MIIP: variants seen among roughly 807,000 people sequenced by gnomAD.
MIIP encodes the protein migration and invasion inhibitory protein.
A neutral mutation model predicts 44.8 loss-of-function variants in MIIP; 44 were observed. The observed-to-expected ratio is 0.98, with a 90% CI of 0.77 to 1.26. The LOEUF is 1.26. Ranked by LOEUF, MIIP falls within the 50% of genes most tolerant of loss-of-function variation. The pLI, the probability that MIIP is intolerant of heterozygous loss-of-function variation, is 0.00. For synonymous variants in MIIP, 225 were observed against 218.3 expected, an observed-to-expected ratio of 1.03 and a Z score of -0.27; for missense variants, 496 against 511.7, an observed-to-expected ratio of 0.97 and a Z score of 0.30.
chr1:12,029,870 C>G lies in MIIP; in HGVS notation c.821C>G (p.Thr274Ser). The change falls in exon 7 of 10, where the codon ACC becomes AGC. Residue 274 changes from threonine (T) to serine (S), a missense_variant. Transcript: ENST00000235332. The stretch of plus-strand genomic sequence containing the variant: ...CCGCGAGACCAGCAGGGCCCTGGGA[C>G]CCTGGCGCAGCCAGCGCACGTCAGG... ...RTPRDQQGPG[T>S]LAQPAHVRVS... The G allele has an allele frequency of 6.2e-7, 1 of 1,613,060 alleles. No homozygotes were observed. Among genetic ancestry groups the G allele is most frequent in the African/African-American group, 1.3e-5 (1 of 75,042 alleles).
Position 12,031,690 on chromosome 1 carries a change from G to GC in MIIP, c.1081-26dup, listed in dbSNP as rs754289375. ...GGGGATGACCTGTCCCTTTCAAGTG[G>GC]CCCCCCTGAGACTTCCCTATTCCCC... is the stretch of plus-strand genomic sequence containing the variant. On this transcript the variant is annotated intron_variant, in intron 9 of 9. Transcript: ENST00000235332. 3 of 1,613,922 alleles carry GC rather than the reference G, an allele frequency of 1.9e-6. No homozygotes were observed. In the South Asian group the frequency reaches 3.3e-5, roughly 18 times the overall value.
intron 8 of MIIP, chr1:12,031,010 C>T: frequency 2.1e-6 from 1 of 484,110 alleles, no homozygotes; most frequent in African/African-American, 2.0e-5. Flanking sequence ...GGAGAGCCTA[C>T]AGCAGGAAGT....
At chr1:12,021,409 A>AAC (rs1639972415) in intron 1 of MIIP, among the ~76,000 whole-genome samples, 1 of 152,086 alleles carries the variant, frequency 6.6e-6, no homozygotes, top group South Asian at 2.1e-4. Context: ...AAAAAAACAA[A>AAC]AAAACAAAAC....
Position 12,022,462 on chromosome 1 carries a change from C to T in MIIP, c.462+20C>T. ...TCCAAGGTAACGTGGGAGAGCGGGA[C>T]ATCTGCTGATGGGAGGAGCTTCCTT... On this transcript the variant is annotated intron_variant, in intron 3 of 9. Coordinates refer to ENST00000235332, the MANE Select transcript of MIIP (RefSeq NM_021933.4). 6.7e-7 allele frequency: 1 copy of T among 1,490,686 alleles called. No individual in the cohort carries two copies. Among genetic ancestry groups the T allele is most frequent in the Non-Finnish European group, 9.0e-7 (1 of 1,116,814 alleles). The allele number at this position is 1,490,686 out of a possible 1,614,324, so 92.3% of individuals were successfully genotyped here.
rs1312250299 is a variant in MIIP, at chr1:12,031,856, C to A, written c.*48C>A. The A allele has an allele frequency of 1.6e-5, 25 of 1,566,852 alleles. No individual in the cohort carries two copies. Among genetic ancestry groups the A allele is most frequent in the Non-Finnish European group, 2.0e-5 (23 of 1,140,992 alleles). On this transcript the variant is annotated 3_prime_UTR_variant, in exon 10 of 10. Transcript: ENST00000235332. ...AGCATTCCCGCCGCCTCCAGCCTCT[C>A]CCCTCTGGCAGGCGCACCCAGGAGA...
intron 3 of MIIP, 134 bp downstream of exon 3, chr1:12,022,576 C>G: frequency 1.3e-6 from 1 of 793,316 alleles, no homozygotes. Flanking sequence ...TGAGTTGGGT[C>G]TTGCTCAGCC....
chr1:12,027,154 A>G (rs1640121647), intron 4 of MIIP, among the ~76,000 whole-genome samples: 1 of 151,968 alleles, frequency 6.6e-6, no homozygotes, highest in South Asian at 2.1e-4. Flanking sequence ...GATTACAGGC[A>G]TGCACCACTA....
At chr1:12,026,628 C>A (rs1640109156) in intron 4 of MIIP, among the ~76,000 whole-genome samples, 1 of 152,224 alleles carries the variant, frequency 6.6e-6, no homozygotes, top group African/African-American at 2.4e-5. Flanking sequence ...TTAGCATGAG[C>A]ATGAACGTGC....
At chr1:12,022,791 C>A in intron 3 of MIIP, 42 bp from the exon 4 acceptor site, 1 of 1,481,648 alleles carries the variant, frequency 6.7e-7, no homozygotes, top group Middle Eastern at 1.7e-4. Context: ...CTGGGCCAGG[C>A]CTCTTGGCTT....
At chr1:12,024,902 T>C (rs1640068733) in intron 4 of MIIP, among the ~76,000 whole-genome samples, 1 of 152,192 alleles carries the variant, frequency 6.6e-6, no homozygotes, top group Non-Finnish European at 1.5e-5. Context: ...CCCTATGAAT[T>C]TGACTCCTCT....
intron 8 of MIIP, 97 bp downstream of exon 8, chr1:12,030,221 C>T: frequency 8.6e-7 from 1 of 1,156,316 alleles, no homozygotes; most frequent in Non-Finnish European, 1.3e-6. Flanking sequence ...CTGGGCTCGA[C>T]AAGGGTGAGC....
At chr1:12,029,396 G>T in intron 6 of MIIP, 115 bp downstream of exon 6, 1 of 1,179,112 alleles carries the variant, frequency 8.5e-7, no homozygotes, top group Non-Finnish European at 1.2e-6. Flanking sequence ...CCCCTGAGAT[G>T]TTGAGACTCA....
At position 12,019,542 on chromosome 1, in the gene MIIP, G is replaced by C. The variant is rs973441068; in HGVS notation, c.-93G>C. The C allele has an allele frequency of 2.0e-5, 3 of 152,868 alleles. No homozygotes were observed. Among genetic ancestry groups the C allele is most frequent in the African/African-American group, 7.2e-5 (3 of 41,480 alleles). The allele number at this position is 152,868 out of a possible 1,614,324, so 9.5% of individuals were successfully genotyped here. On this transcript the variant is annotated 5_prime_UTR_variant, in exon 1 of 10. Transcript: ENST00000235332. ...GCTGCTACGGCGGCGCATGCTAGGG[G>C]ATTCTGCCGGGTGAGTGCTGGGCGG...
At chr1:12,024,585 T>C (rs1640061264) in intron 4 of MIIP, among the ~76,000 whole-genome samples, 1 of 152,078 alleles carries the variant, frequency 6.6e-6, no homozygotes, top group African/African-American at 2.4e-5. Context: ...GGCTAATTTT[T>C]GTATTTTTAG....
chr1:12,029,677 G>C (rs1354488131), intron 6 of MIIP, 88 bp from the exon 7 acceptor site: 17 of 1,526,092 alleles, frequency 1.1e-5, no homozygotes, highest in Non-Finnish European at 1.4e-5. Context: ...GGCAGCTTGT[G>C]TGGTTGGGGG....
chr1:12,020,289 G>C (rs1050166040), intron 1 of MIIP, among the ~76,000 whole-genome samples: 21 of 152,180 alleles, frequency 1.4e-4, no homozygotes, highest in African/African-American at 5.1e-4. Flanking sequence ...AGGAAAGGAG[G>C]AAGAATCCCT....
intron 8 of MIIP, among the ~76,000 whole-genome samples, chr1:12,030,557 T>C (rs919237234): frequency 1.4e-4 from 3 of 21,750 alleles, no homozygotes; most frequent in Admixed American, 6.5e-4. Flanking sequence ...CTGCTGCTGC[T>C]TTTTTTTTTT....
intron 2 of MIIP, 78 bp from the exon 3 acceptor site, chr1:12,022,017 C>A: frequency 6.7e-7 from 1 of 1,492,016 alleles, no homozygotes; most frequent in South Asian, 1.2e-5. Context: ...GATGAGGATG[C>A]TTGCCTTGGT....
chr1:12,031,445 G>C (rs774260891), intron 9 of MIIP, 42 bp downstream of exon 9: 2 of 1,596,632 alleles, frequency 1.3e-6, no homozygotes, highest in South Asian at 2.2e-5. Context: ...GCCCCCTAGA[G>C]GGACAGAGAC....
Sources: allele counts gnomAD v4.1 joint callset (sites outside exome capture counted in the v4.1 genomes callset), GRCh38; gene constraint gnomAD v4.1.1; transcripts MANE v1.5; gene names NCBI Gene and HGNC (gene_info 2026-07-23, HGNC 2026-07-21).